RNF220: variants seen among roughly 807,000 people sequenced by gnomAD.
The protein encoded by RNF220 is ring finger protein 220.
In RNF220, 7 loss-of-function variants were observed where a neutral mutation model predicts 67.1. The observed-to-expected ratio is 0.10, with a 90% CI of 0.06 to 0.20. The LOEUF (loss-of-function observed/expected upper bound fraction) is 0.20, where lower values mean the gene tolerates loss of function less well. Among genes scored for constraint, RNF220 ranks in the 10% least tolerant of loss-of-function variants. The pLI, the probability that RNF220 is intolerant of heterozygous loss-of-function variation, is 1.00. For missense variants in RNF220, 565 were observed against 740.3 expected (o/e 0.76, Z 2.75); for synonymous variants, 270 against 283.2 (o/e 0.95, Z 0.47).
intron 2 of RNF220, among the ~76,000 whole-genome samples, chr1:44,608,600 A>T (rs1203203713): frequency 6.6e-6 from 1 of 152,278 alleles, no homozygotes; most frequent in East Asian, 1.9e-4. Flanking sequence ...GAGATAAAGT[A>T]TGTGTAGTAT....
At chr1:44,525,820 C>CT (rs1660326553) in intron 2 of RNF220, among the ~76,000 whole-genome samples, 1 of 152,186 alleles carries the variant, frequency 6.6e-6, no homozygotes, top group South Asian at 2.1e-4. Flanking sequence ...CACAGCCCCG[C>CT]CCTCAGTCTG....
At position 44,412,069 on chromosome 1, in the gene RNF220, C is replaced by T. The variant is rs59262792; in HGVS notation, c.-29C>T. 0.021 allele frequency: 32,546 copies of T among 1,584,478 alleles called. 444 individuals carry two copies. Among genetic ancestry groups the T allele is most frequent in the South Asian group, 0.046 (3,964 of 86,182 alleles). ...CCCTCCCAGGGAAGACTGCTTCTTG[C>T]GTAACGCCGGCCACAGAAAGAGACT... is the stretch of plus-strand genomic sequence containing the variant. On this transcript the variant is annotated 5_prime_UTR_variant, in exon 2 of 15. Coordinates refer to ENST00000361799, the MANE Select transcript of RNF220 (RefSeq NM_018150.4). This position sits in a 1 kb window ranked among gnomAD's most constrained non-coding sequence, Gnocchi z 5.3.
At chr1:44,589,119 G>A (rs1161231851) in intron 2 of RNF220, among the ~76,000 whole-genome samples, 1 of 152,174 alleles carries the variant, frequency 6.6e-6, no homozygotes, top group Admixed American at 6.5e-5. Context: ...CCACTGGTCA[G>A]ATGAAAAGCC....
At position 44,562,653 on chromosome 1, in the gene RNF220, G is replaced by A. The variant is rs1572890293; in HGVS notation, c.626-51512G>A. Among the ~76,000 whole-genome samples, 4 of 152,294 alleles carry A rather than the reference G, an allele frequency of 2.6e-5. 1 individual carries two copies. The highest frequency in any genetic ancestry group is 2.6e-4 in the Admixed American group (4 of 15,296). ...TCCAGGGGCTAAGTCGGGGTTGGGG[G>A]GTTGGTGCCTGGAGGAAATTGGAGC... On this transcript the variant is annotated intron_variant, in intron 2 of 14. Coordinates refer to ENST00000361799, the MANE Select transcript of RNF220 (RefSeq NM_018150.4).
At position 44,632,398 on chromosome 1, in the gene RNF220, C is replaced by T. The variant is rs375363320; in HGVS notation, c.949+13C>T. Reference sequence around the variant, plus strand: ...ACCCGACTGAATGGTGAGTCCTGCCCGGCCCCTCCCTCCGCCCCACCCCCG... The same window carrying T: ...ACCCGACTGAATGGTGAGTCCTGCCTGGCCCCTCCCTCCGCCCCACCCCCG... On this transcript the variant is annotated intron_variant, in intron 6 of 14. Transcript: ENST00000361799. The T allele has an allele frequency of 1.9e-6, 3 of 1,609,852 alleles. No homozygotes were observed. Among genetic ancestry groups the T allele is most frequent in the Non-Finnish European group, 2.5e-6 (3 of 1,178,524 alleles).
At chr1:44,594,621 CCTGG>C (rs145361389) in intron 2 of RNF220, among the ~76,000 whole-genome samples, 4,326 of 152,270 alleles carry the variant, frequency 0.028, 211 homozygotes, top group African/African-American at 0.098. Flanking sequence ...GCCCCACCGC[CCTGG>C]CTCAGGCTGG....
chr1:44,558,589 T>C (rs1012968365), intron 2 of RNF220, among the ~76,000 whole-genome samples: 1 of 152,198 alleles, frequency 6.6e-6, no homozygotes, highest in East Asian at 1.9e-4. Context: ...CTTTAATCCT[T>C]ACAACAGCCC....
intron 2 of RNF220, among the ~76,000 whole-genome samples, chr1:44,414,198 G>C (rs188193520): frequency 6.6e-6 from 1 of 152,288 alleles, no homozygotes; most frequent in East Asian, 1.9e-4. Flanking sequence ...TATACCTGCT[G>C]AACAGGTATC....
At chr1:44,439,365 G>C (rs1002466303) in intron 2 of RNF220, among the ~76,000 whole-genome samples, 4 of 151,918 alleles carry the variant, frequency 2.6e-5, no homozygotes, top group African/African-American at 7.3e-5. Context: ...GCTTATCCAT[G>C]TCCTTTACAG....
intron 2 of RNF220, among the ~76,000 whole-genome samples, chr1:44,502,639 T>C (rs1658031111): frequency 2.0e-5 from 3 of 152,258 alleles, no homozygotes; most frequent in Admixed American, 2.0e-4. Context: ...AAATGGAGAA[T>C]AAATAATTCT....
chr1:44,527,894 C>A (rs1660498872), intron 2 of RNF220, among the ~76,000 whole-genome samples: 1 of 119,702 alleles, frequency 8.4e-6, no homozygotes, highest in East Asian at 2.6e-4. Context: ...CCACTGCACT[C>A]CAGCCTGGGT....
intron 2 of RNF220, among the ~76,000 whole-genome samples, chr1:44,486,643 A>G (rs545745687): frequency 1.3e-5 from 2 of 152,188 alleles, no homozygotes; most frequent in Non-Finnish European, 2.9e-5. Context: ...ACCTAGGGCC[A>G]TTCCAGAAGA....
chr1:44,484,431 C>T (rs758458460), intron 2 of RNF220, among the ~76,000 whole-genome samples: 36 of 152,096 alleles, frequency 2.4e-4, no homozygotes, highest in African/African-American at 5.3e-4. Flanking sequence ...AGCAAACTGC[C>T]GCACAGTGGG....
At chr1:44,605,959 C>T (rs934875131) in intron 2 of RNF220, among the ~76,000 whole-genome samples, 1 of 152,214 alleles carries the variant, frequency 6.6e-6, no homozygotes, top group African/African-American at 2.4e-5. Flanking sequence ...CATCCCTGGG[C>T]ACCAGAAGAA....
intron 2 of RNF220, among the ~76,000 whole-genome samples, chr1:44,540,640 T>C (rs937942939): frequency 1.3e-5 from 2 of 152,186 alleles, no homozygotes; most frequent in Admixed American, 6.5e-5. Context: ...TGATCACTCC[T>C]GCAAACTGCC....
At chr1:44,587,950 G>C (rs1248973543) in intron 2 of RNF220, among the ~76,000 whole-genome samples, 3 of 152,180 alleles carry the variant, frequency 2.0e-5, no homozygotes, top group Non-Finnish European at 4.4e-5. Flanking sequence ...GCAAGGGAGA[G>C]TTATGTGTGG....
rs773924814 is a variant in RNF220 at position 44,614,274 on chromosome 1, G to A, written c.735G>A (p.Glu245=). The A allele has an allele frequency of 5.6e-6, 9 of 1,614,078 alleles. No individual in the cohort carries two copies. In the East Asian group the frequency reaches 1.1e-4, roughly 20 times the overall value. The part of the protein sequence containing the change: ...ELQEHMEQEL[E]QLAQLPSSKN... The stretch of plus-strand genomic sequence containing the variant: ...AGGAGCATATGGAGCAGGAACTGGA[G>A]CAGCTAGCCCAACTGCCCTCGAGGT... Residue 245 remains glutamate (E), a synonymous_variant, in exon 3 of 15, where the codon GAG becomes GAA. Transcript: ENST00000361799.
At chr1:44,549,398 A>G (rs900806895) in intron 2 of RNF220, among the ~76,000 whole-genome samples, 2 of 152,164 alleles carry the variant, frequency 1.3e-5, no homozygotes, top group African/African-American at 2.4e-5. Context: ...CACCAAGGGG[A>G]ATTTTTCTCT....
intron 5 of RNF220, among the ~76,000 whole-genome samples, chr1:44,630,856 G>A (rs929454960): frequency 6.6e-6 from 1 of 152,242 alleles, no homozygotes; most frequent in Admixed American, 6.5e-5. Context: ...TGGCAAGGCA[G>A]ACAGGGAAGG....
Sources: gnomAD v4.1 joint callset for allele counts (sites outside exome capture counted in the v4.1 genomes callset) on GRCh38, gnomAD v4.1.1 for gene constraint, Gnocchi (gnomAD v3.1) non-coding constraint, MANE v1.5 for transcripts, NCBI Gene and HGNC (gene_info 2026-07-23, HGNC 2026-07-21) for gene names.